Variants in PDE4D observed in about 807,000 individuals in gnomAD.
The protein encoded by PDE4D is 3',5'-cyclic-AMP phosphodiesterase 4D.
PDE4D carries 24 observed loss-of-function variants against 87.4 expected under a neutral mutation model. The observed-to-expected ratio is 0.27, with a 90% CI of 0.20 to 0.39. PDE4D has a LOEUF of 0.39. PDE4D is among the 10% of genes least tolerant of loss of function. The pLI, the probability that PDE4D is intolerant of heterozygous loss-of-function variation, is 1.00. For missense variants in PDE4D, 714 were observed against 1,041.0 expected (o/e 0.69, Z 4.32); for synonymous variants, 384 against 383.2 (o/e 1.00, Z -0.02).
intron 1 of PDE4D, among the ~76,000 whole-genome samples, chr5:59,530,954 C>A (rs1814106412): frequency 6.6e-6 from 1 of 152,148 alleles, no homozygotes; most frequent in Non-Finnish European, 1.5e-5. Context: ...TTGCCTTAGA[C>A]CAAATTCTAA....
intron 3 of PDE4D, among the ~76,000 whole-genome samples, chr5:59,902,459 A>T (rs1041316393): frequency 4.1e-4 from 63 of 152,104 alleles, no homozygotes; most frequent in Non-Finnish European, 8.5e-4. Context: ...ATGATTTTTT[A>T]AAAGTATTAA....
At chr5:58,999,383 G>T in intron 6 of PDE4D, 1 of 455,616 alleles carries the variant, frequency 2.2e-6, no homozygotes, top group South Asian at 4.5e-5. Context: ...CATGTGTAAG[G>T]AAAGAATACA....
intron 1 of PDE4D, among the ~76,000 whole-genome samples, chr5:59,763,415 A>G (rs1408306398): frequency 2.0e-5 from 3 of 152,202 alleles, no homozygotes; most frequent in Non-Finnish European, 4.4e-5. Flanking sequence ...TTAAGTGATT[A>G]TAATGCTAAA....
intron 1 of PDE4D, among the ~76,000 whole-genome samples, chr5:59,533,631 T>C (rs1406090461): frequency 6.6e-6 from 1 of 152,232 alleles, no homozygotes; most frequent in Non-Finnish European, 1.5e-5. Flanking sequence ...AATAAAATTG[T>C]TAATTTAATG....
At chr5:59,792,058 C>A (rs1765854869) in intron 1 of PDE4D, among the ~76,000 whole-genome samples, 1 of 152,164 alleles carries the variant, frequency 6.6e-6, no homozygotes, top group Non-Finnish European at 1.5e-5. Context: ...CTTAAACAAG[C>A]AAATGGTGAC....
intron 1 of PDE4D, among the ~76,000 whole-genome samples, chr5:59,240,338 G>A (rs1757383952): frequency 1.3e-5 from 2 of 152,140 alleles, no homozygotes; most frequent in African/African-American, 4.8e-5. Flanking sequence ...AACTCTTGTT[G>A]AATAGCATAT....
chr5:59,895,873 T>C (rs1751583643), upstream of PDE4D, among the ~76,000 whole-genome samples: 1 of 152,244 alleles, frequency 6.6e-6, no homozygotes, highest in African/African-American at 2.4e-5. Flanking sequence ...AATTTGCTCC[T>C]TCCTTTTTAC....
At chr5:59,003,531 C>T (rs1750955963) in intron 6 of PDE4D, among the ~76,000 whole-genome samples, 1 of 152,182 alleles carries the variant, frequency 6.6e-6, no homozygotes, top group African/African-American at 2.4e-5. Context: ...TACATCTGCC[C>T]CTTCATTCAA....
chr5:59,545,360 A>G (rs1817092812), intron 1 of PDE4D, among the ~76,000 whole-genome samples: 1 of 152,066 alleles, frequency 6.6e-6, no homozygotes, highest in African/African-American at 2.4e-5. Flanking sequence ...AAAAAAAAAA[A>G]TGTTGCAGTT....
intron 11 of PDE4D, among the ~76,000 whole-genome samples, chr5:58,986,786 A>G (rs1489727857): frequency 6.6e-6 from 1 of 152,134 alleles, no homozygotes; most frequent in African/African-American, 2.4e-5. Context: ...TGAAGAATAG[A>G]GCAGGTCCTC....
intron 5 of PDE4D, among the ~76,000 whole-genome samples, chr5:59,168,855 CT>C (rs1782300757): frequency 6.6e-6 from 1 of 152,102 alleles, no homozygotes; most frequent in East Asian, 1.9e-4. Context: ...AATTTTCTAC[CT>C]ATGTATCTTA....
chr5:59,069,225 AAC>A (rs1359940331), intron 5 of PDE4D, among the ~76,000 whole-genome samples: 2 of 152,156 alleles, frequency 1.3e-5, no homozygotes, highest in Non-Finnish European at 2.9e-5. Context: ...ATACCATGGA[AAC>A]ACAGTTTTAC....
At chr5:59,629,121 T>C (rs1831255990) in intron 1 of PDE4D, among the ~76,000 whole-genome samples, 1 of 152,166 alleles carries the variant, frequency 6.6e-6, no homozygotes. Flanking sequence ...GTGCGGATTA[T>C]GGGAACTACA....
chr5:59,888,753 A>G (rs1376522196), intron 1 of PDE4D, among the ~76,000 whole-genome samples: 1 of 152,082 alleles, frequency 6.6e-6, no homozygotes, highest in Admixed American at 6.6e-5. Context: ...TACATCATGA[A>G]CCTAGATTAC....
At chr5:59,611,588 T>G (rs1007239397) in intron 1 of PDE4D, among the ~76,000 whole-genome samples, 5 of 152,230 alleles carry the variant, frequency 3.3e-5, no homozygotes, top group African/African-American at 9.6e-5. Flanking sequence ...ACATCTGCTG[T>G]GGTCACTGTT....
intron 5 of PDE4D, among the ~76,000 whole-genome samples, chr5:59,127,216 G>T (rs36064814): frequency 0.29 from 43,770 of 152,020 alleles, 6,888 homozygotes; most frequent in Admixed American, 0.34. Flanking sequence ...AAGAGTGATT[G>T]TTGCTTTGTA....
At chr5:60,142,304 G>A (rs1294485287) in intron 2 of PDE4D, among the ~76,000 whole-genome samples, 4 of 152,168 alleles carry the variant, frequency 2.6e-5, no homozygotes, top group East Asian at 3.9e-4. Context: ...TGTCTACTGC[G>A]CACTATGCTT....
In PDE4D at chr5:59,530,328, C is replaced by T. The variant is rs141726208; in HGVS notation, c.456-314360G>A. 3.4e-3 allele frequency among the ~76,000 whole-genome samples: 510 copies of T among 152,134 alleles called. 1 individual carries two copies. The highest frequency in any genetic ancestry group is 0.012 in the African/African-American group (489 of 41,498). ...CCAGGTACTTAAGAGGATACAAACC[C>T]ATGAAACTTGGCCTCAATTAGATTA... On this transcript the variant is annotated intron_variant, in intron 1 of 14. Coordinates refer to ENST00000340635, the MANE Select transcript of PDE4D (RefSeq NM_001104631.2).
intron 1 of PDE4D, among the ~76,000 whole-genome samples, chr5:60,270,622 C>T (rs1750713979): frequency 6.6e-6 from 1 of 152,030 alleles, no homozygotes; most frequent in South Asian, 2.1e-4. Flanking sequence ...ATCAATGTCA[C>T]TAACATATAA....
Sources: allele counts gnomAD v4.1 joint callset (sites outside exome capture counted in the v4.1 genomes callset), GRCh38; gene constraint gnomAD v4.1.1; transcripts MANE v1.5; gene names NCBI Gene and HGNC (gene_info 2026-07-23, HGNC 2026-07-21).